Variants in SPEF2 observed in about 807,000 individuals in gnomAD.
SPEF2 encodes the protein sperm flagellar and cilia associated 2.
Under a neutral mutation model 224.6 loss-of-function variants are expected in SPEF2, and 187 were observed. That is an observed-to-expected ratio of 0.83 (90% CI 0.74 to 0.94). The LOEUF (loss-of-function observed/expected upper bound fraction) is 0.94. SPEF2 is among the 40% of genes least tolerant of loss of function. The pLI, the probability that SPEF2 is intolerant of heterozygous loss-of-function variation, is 0.00. For synonymous variants in SPEF2, 715 were observed against 707.3 expected, an observed-to-expected ratio of 1.01 and a Z score of -0.17; for missense variants, 2,170 against 2,135.6, an observed-to-expected ratio of 1.02 and a Z score of -0.32.
intron 23 of SPEF2, 103 bp downstream of exon 23, chr5:35,740,370 G>A (rs555048313): frequency 6.9e-7 from 1 of 1,455,646 alleles, no homozygotes; most frequent in East Asian, 2.3e-5. Context: ...GTATGAGGAT[G>A]AGAAAGAAAA....
At chr5:35,722,032 G>A (rs759980203) in intron 20 of SPEF2, among the ~76,000 whole-genome samples, 10 of 152,188 alleles carry the variant, frequency 6.6e-5, no homozygotes, top group Non-Finnish European at 1.5e-4. Context: ...TTGAGGGCCT[G>A]GCCTAGTAAA....
At chr5:35,756,401 C>A (rs1750452607) in intron 24 of SPEF2, among the ~76,000 whole-genome samples, 2 of 152,116 alleles carry the variant, frequency 1.3e-5, no homozygotes, top group African/African-American at 4.8e-5. Context: ...GAAAGTTTGC[C>A]ACATAGAACT....
chr5:35,632,168 G>A (rs138522829), intron 2 of SPEF2, among the ~76,000 whole-genome samples: 102 of 152,126 alleles, frequency 6.7e-4, no homozygotes, highest in African/African-American at 2.2e-3. Context: ...CACTCTGTCC[G>A]GTACCAATTT....
chr5:35,776,761 A>G (rs1274117281), intron 29 of SPEF2, among the ~76,000 whole-genome samples: 1 of 152,224 alleles, frequency 6.6e-6, no homozygotes, highest in Non-Finnish European at 1.5e-5. Flanking sequence ...ATTTATTATC[A>G]GTCAGAGCCA....
chr5:35,737,220 T>C (rs1264831279), intron 21 of SPEF2, among the ~76,000 whole-genome samples: 1 of 152,220 alleles, frequency 6.6e-6, no homozygotes, highest in Non-Finnish European at 1.5e-5. Context: ...TCTTATGATT[T>C]TTTTTATTAT....
At chr5:35,657,397 G>A (rs539848570) in intron 7 of SPEF2, among the ~76,000 whole-genome samples, 13 of 152,224 alleles carry the variant, frequency 8.5e-5, no homozygotes, top group Admixed American at 4.6e-4. Context: ...TAGGGGATAG[G>A]TTTTGAGAGT....
chr5:35,628,655 G>A (rs1011033193), intron 2 of SPEF2, 93 bp downstream of exon 2: 68 of 832,874 alleles, frequency 8.2e-5, no homozygotes, highest in Non-Finnish European at 1.3e-4. Context: ...GCAGTAGCGT[G>A]ATCATAGCTC....
intron 8 of SPEF2, among the ~76,000 whole-genome samples, chr5:35,666,155 A>G (rs1750435993): frequency 1.3e-5 from 2 of 152,136 alleles, no homozygotes; most frequent in Non-Finnish European, 2.9e-5. Flanking sequence ...CTTGAACTCG[A>G]CCATAGCTCC....
intron 34 of SPEF2, among the ~76,000 whole-genome samples, chr5:35,805,276 C>G (rs2149868897): frequency 6.6e-6 from 1 of 152,180 alleles, no homozygotes; most frequent in African/African-American, 2.4e-5. Context: ...GGCAAAGTGA[C>G]CATACAGAGC....
intron 34 of SPEF2, 76 bp downstream of exon 34, chr5:35,800,223 C>A: frequency 1.3e-6 from 2 of 1,482,344 alleles, no homozygotes; most frequent in South Asian, 1.3e-5. Flanking sequence ...ACAACAAGGA[C>A]TCTATTATTT....
At chr5:35,621,385 A>AGGG (rs1743490460) in intron 1 of SPEF2, among the ~76,000 whole-genome samples, 1 of 89,816 alleles carries the variant, frequency 1.1e-5, no homozygotes, top group African/African-American at 1.2e-4. Context: ...CAGGTGAGTC[A>AGGG]GGAGGAGAGG....
rs1443607714 is a variant in SPEF2, at chr5:35,776,780, G to A, written c.4217+385G>A. Among the ~76,000 whole-genome samples, 6 of 152,290 alleles carry A rather than the reference G, an allele frequency of 3.9e-5. No individual in the cohort carries two copies. The East Asian group carries it at 9.6e-4, about 24-fold the overall frequency. On this transcript the variant is annotated intron_variant, in intron 29 of 36. Coordinates refer to ENST00000356031, the MANE Select transcript of SPEF2 (RefSeq NM_024867.4). Reference sequence around the variant, plus strand: ...ATTATCAGTCAGAGCCAATTAAGGGGAGATTAAAAAGTCATTCACTGGAAT... The same window carrying A: ...ATTATCAGTCAGAGCCAATTAAGGGAAGATTAAAAAGTCATTCACTGGAAT...
intron 23 of SPEF2, among the ~76,000 whole-genome samples, chr5:35,753,349 T>G (rs1749967469): frequency 1.3e-5 from 2 of 152,160 alleles, no homozygotes; most frequent in South Asian, 4.1e-4. Flanking sequence ...TTAAAGCACA[T>G]AAAACATAGC....
chr5:35,642,287 G>T (rs1380589193), intron 3 of SPEF2, among the ~76,000 whole-genome samples: 1 of 152,086 alleles, frequency 6.6e-6, no homozygotes, highest in Non-Finnish European at 1.5e-5. Flanking sequence ...TTGACAGTCT[G>T]TCCTTAAATA....
chr5:35,725,507 C>T (rs77363893), intron 20 of SPEF2, among the ~76,000 whole-genome samples: 2,906 of 152,266 alleles, frequency 0.019, 62 homozygotes, highest in South Asian at 0.054. Context: ...CCTCCCAATC[C>T]TTTCACCTCC....
chr5:35,715,427 C>G (rs1742352420), intron 20 of SPEF2, among the ~76,000 whole-genome samples: 1 of 151,252 alleles, frequency 6.6e-6, no homozygotes, highest in Non-Finnish European at 1.5e-5. Context: ...GGAGGTGAAA[C>G]TTTTATTATA....
rs548709794 is a variant in SPEF2 at position 35,777,279 on chromosome 5, C to A, written c.4217+884C>A. On this transcript the variant is annotated intron_variant, in intron 29 of 36. Coordinates refer to ENST00000356031, the MANE Select transcript of SPEF2 (RefSeq NM_024867.4). The stretch of plus-strand genomic sequence containing the variant: ...TAGTGAAGTTCTTTTGTAAAGTCTT[C>A]AGCCTAGTTGTTTAGAACTATTGCT... 2.6e-5 allele frequency among the ~76,000 whole-genome samples: 4 copies of A among 152,256 alleles called. No individual in the cohort carries two copies. In the South Asian group the frequency reaches 8.3e-4, roughly 32 times the overall value.
Position 35,691,115 on chromosome 5 carries a change from A to G in SPEF2, c.1603A>G (p.Ile535Val), listed in dbSNP as rs747257059. Residue 535 changes from isoleucine (I) to valine (V), a missense_variant, in exon 11 of 37, where the codon ATT (isoleucine) becomes GTT (valine). By Grantham distance (29) the Ile-to-Val change is conservative. Coordinates refer to ENST00000356031, the MANE Select transcript of SPEF2 (RefSeq NM_024867.4). ...PPSNNCILGH[I>V]LHRLAEKSLP... The stretch of plus-strand genomic sequence containing the variant: ...CTCCAACAATTGCATACTGGGCCAT[A>G]TTCTTCACAGGCTAGCTGAAAAATC... 2.5e-6 allele frequency: 4 copies of G among 1,614,126 alleles called. No individual in the cohort carries two copies. In the South Asian group the frequency reaches 4.4e-5, roughly 18 times the overall value.
At chr5:35,679,262 G>T (rs1293523316) in intron 10 of SPEF2, among the ~76,000 whole-genome samples, 1 of 152,094 alleles carries the variant, frequency 6.6e-6, no homozygotes, top group African/African-American at 2.4e-5. Flanking sequence ...CAGTGCCAGG[G>T]GTTTAATTCT....
Sources: gnomAD v4.1 joint callset for allele counts (sites outside exome capture counted in the v4.1 genomes callset) on GRCh38, gnomAD v4.1.1 for gene constraint, MANE v1.5 for transcripts, NCBI Gene and HGNC (gene_info 2026-07-23, HGNC 2026-07-21) for gene names.